Variants in CACNA1D observed in about 807,000 individuals in gnomAD.
CACNA1D encodes the protein calcium voltage-gated channel subunit alpha1 D, also known as voltage-dependent L-type calcium channel subunit alpha-1D.
A neutral mutation model predicts 257.1 loss-of-function variants in CACNA1D; 55 were observed. That is an observed-to-expected ratio of 0.21 (90% CI 0.17 to 0.27). The LOEUF is 0.27. CACNA1D is among the 10% of genes least tolerant of loss of function. CACNA1D has a pLI of 1.00. For missense variants in CACNA1D, 1,876 were observed against 2,784.0 expected, an observed-to-expected ratio of 0.67 and a Z score of 7.34; for synonymous variants, 980 against 1,014.9, an observed-to-expected ratio of 0.97 and a Z score of 0.65.
Position 53,497,215 on chromosome 3 carries a change from A to G in CACNA1D, c.131A>G (p.Asn44Ser). 2 of 1,614,204 alleles carry G rather than the reference A, an allele frequency of 1.2e-6. No individual in the cohort carries two copies. Among genetic ancestry groups the G allele is most frequent in the Non-Finnish European group, 1.7e-6 (2 of 1,180,030 alleles). ...LSGEGPTSQP[N>S]SSKQTVLSWQ... ...GGTGAAGGACCAACTTCTCAGCCGA[A>G]TAGCTCCAAGCAAACTGTCCTGTCT... The change falls in exon 2 of 48, where the codon AAT becomes AGT. Residue 44 changes from asparagine (N) to serine (S), a missense_variant. Physicochemically the swap from Asn to Ser is conservative, Grantham distance 46 (BLOSUM62 1). Around this residue, in one of 10 missense-constraint regions of CACNA1D, gnomAD observed 143 missense variants for 168.7 expected, o/e 0.85. Transcript: ENST00000350061.
At chr3:53,682,340 C>T (rs560251237) in intron 8 of CACNA1D, among the ~76,000 whole-genome samples, 22 of 111,764 alleles carry the variant, frequency 2.0e-4, no homozygotes, top group African/African-American at 4.0e-4. Context: ...CCAGCCTGGG[C>T]GACATAGCGA....
chr3:53,775,314 C>A (rs542600640), intron 34 of CACNA1D, among the ~76,000 whole-genome samples: 1 of 152,150 alleles, frequency 6.6e-6, no homozygotes, highest in South Asian at 2.1e-4. Flanking sequence ...CAGTGGCTCA[C>A]GCCTGTAATC....
chr3:53,530,389 A>G (rs2091907710), intron 3 of CACNA1D: 1 of 152,210 alleles, frequency 6.6e-6, no homozygotes, highest in Admixed American at 6.5e-5. Flanking sequence ...GTGTTTAGAC[A>G]CACATCCCAC....
chr3:53,498,131 G>A (rs969928289), intron 2 of CACNA1D, among the ~76,000 whole-genome samples: 1 of 152,184 alleles, frequency 6.6e-6, no homozygotes, highest in Admixed American at 6.5e-5. Context: ...GTGAGCATGA[G>A]GGAGCCAGTG....
chr3:53,533,325 G>A (rs921219953), intron 3 of CACNA1D, among the ~76,000 whole-genome samples: 3 of 152,110 alleles, frequency 2.0e-5, no homozygotes, highest in Admixed American at 2.0e-4. Flanking sequence ...TCGGGTCTAC[G>A]TTTAAAAATC....
At chr3:53,783,547 T>C (rs1482764937) in intron 39 of CACNA1D, among the ~76,000 whole-genome samples, 6 of 152,186 alleles carry the variant, frequency 3.9e-5, no homozygotes, top group Non-Finnish European at 2.9e-5. Flanking sequence ...AAGTGGGGCC[T>C]TAGGAGGGAT....
At chr3:53,510,666 T>A (rs891136023) in intron 3 of CACNA1D, among the ~76,000 whole-genome samples, 1 of 152,232 alleles carries the variant, frequency 6.6e-6, no homozygotes, top group African/African-American at 2.4e-5. Flanking sequence ...TGTACTCTTT[T>A]ACCTCACACC....
At chr3:53,755,710 C>T (rs546518136) in intron 29 of CACNA1D, among the ~76,000 whole-genome samples, 90 of 152,174 alleles carry the variant, frequency 5.9e-4, no homozygotes, top group Non-Finnish European at 8.1e-4. Flanking sequence ...GCGTTCCCCC[C>T]GGCCAGGGGA....
intron 8 of CACNA1D, among the ~76,000 whole-genome samples, chr3:53,674,419 C>A (rs1015294856): frequency 4.6e-5 from 7 of 152,244 alleles, no homozygotes; most frequent in Admixed American, 4.6e-4. Context: ...GAATCCTTCT[C>A]TTAATGCAGA....
chr3:53,738,111 T>C (rs1004204084), intron 20 of CACNA1D, among the ~76,000 whole-genome samples: 1 of 152,144 alleles, frequency 6.6e-6, no homozygotes. Context: ...GGCTGGCGAG[T>C]GTGCAAGCAT....
intron 3 of CACNA1D, among the ~76,000 whole-genome samples, chr3:53,614,369 G>A (rs932265421): frequency 6.6e-6 from 1 of 152,098 alleles, no homozygotes; most frequent in Non-Finnish European, 1.5e-5. Flanking sequence ...GCCCTCTAGG[G>A]TGCCAAGGGA....
At chr3:53,786,078 C>G (rs538376130) in intron 39 of CACNA1D, 1 of 152,456 alleles carries the variant, frequency 6.6e-6, no homozygotes, top group South Asian at 2.1e-4. Context: ...GCCAGAGCCT[C>G]TATTCTGCCT....
At chr3:53,618,674 T>C (rs761901596) in intron 3 of CACNA1D, among the ~76,000 whole-genome samples, 1 of 152,214 alleles carries the variant, frequency 6.6e-6, no homozygotes, top group Non-Finnish European at 1.5e-5. Context: ...CCGGTCCTGC[T>C]CAGATGTTGT....
At chr3:53,744,002 C>CTGTTCA (rs1274312735) in intron 22 of CACNA1D, among the ~76,000 whole-genome samples, 7 of 152,206 alleles carry the variant, frequency 4.6e-5, no homozygotes, top group Non-Finnish European at 7.3e-5. Context: ...AACTCCCAGG[C>CTGTTCA]TGTTCATGTC....
At chr3:53,601,830 C>T (rs1363776617) in intron 3 of CACNA1D, among the ~76,000 whole-genome samples, 1 of 152,202 alleles carries the variant, frequency 6.6e-6, no homozygotes, top group Non-Finnish European at 1.5e-5. Context: ...CCTGCCTCAG[C>T]TTCTAGAGTA....
intron 3 of CACNA1D, among the ~76,000 whole-genome samples, chr3:53,576,103 G>A (rs978857075): frequency 6.6e-6 from 1 of 152,128 alleles, no homozygotes; most frequent in African/African-American, 2.4e-5. Context: ...TGCCTTATCG[G>A]CTGTCCTGGA....
At chr3:53,786,735 C>CACA in intron 39 of CACNA1D, 87 bp from the exon 40 acceptor site, 1 of 983,496 alleles carries the variant, frequency 1.0e-6, no homozygotes, top group Non-Finnish European at 1.5e-6. Context: ...CACTCTGCCC[C>CACA]TGCCCCTGCC....
intron 3 of CACNA1D, among the ~76,000 whole-genome samples, chr3:53,557,150 T>C (rs1466437192): frequency 6.6e-6 from 1 of 152,162 alleles, no homozygotes; most frequent in African/African-American, 2.4e-5. Flanking sequence ...CTACAGATCA[T>C]AAAGATTTTC....
chr3:53,603,500 C>A (rs1461287431), intron 3 of CACNA1D, among the ~76,000 whole-genome samples: 1 of 152,240 alleles, frequency 6.6e-6, no homozygotes, highest in East Asian at 1.9e-4. Context: ...TAGAACAGTT[C>A]CTGGGACCTA....
Sources: gnomAD v4.1 joint callset for allele counts (sites outside exome capture counted in the v4.1 genomes callset) on GRCh38, gnomAD v4.1.1 for gene constraint, gnomAD v4.1.1 regional missense constraint, MANE v1.5 for transcripts, NCBI Gene and HGNC (gene_info 2026-07-23, HGNC 2026-07-21) for gene names.